The following FSTL4 variants were observed in gnomAD, a reference collection of about 807,000 sequenced individuals.
FSTL4 encodes the protein follistatin like 4.
Under a neutral mutation model 78.2 loss-of-function variants are expected in FSTL4, and 28 were observed. The observed-to-expected ratio is 0.36, with a 90% CI of 0.27 to 0.49. FSTL4 has a LOEUF of 0.49. FSTL4 is among the 20% of genes least tolerant of loss of function. The pLI is 0.98. For synonymous variants in FSTL4, 422 were observed against 440.5 expected, an observed-to-expected ratio of 0.96 and a Z score of 0.53; for missense variants, 922 against 1,084.9, an observed-to-expected ratio of 0.85 and a Z score of 2.11.
chr5:133,831,333 C>T, the FSTL4 span, among the ~76,000 whole-genome samples: 17 of 152,144 alleles, frequency 1.1e-4, no homozygotes, highest in African/African-American at 3.4e-4. Flanking sequence ...AGGACAAGGG[C>T]CCTACATCTT....
At chr5:133,625,124 T>C in the FSTL4 span, among the ~76,000 whole-genome samples, 2 of 151,822 alleles carry the variant, frequency 1.3e-5, no homozygotes, top group African/African-American at 4.8e-5. Context: ...ATTAGGGTAA[T>C]ACTAGCTTCA....
intron 6 of FSTL4, among the ~76,000 whole-genome samples, chr5:133,261,900 G>C (rs1041172361): frequency 6.6e-6 from 1 of 152,024 alleles, no homozygotes; most frequent in African/African-American, 2.4e-5. Flanking sequence ...GCTGAGGTGG[G>C]AGAATTGCTT....
chr5:133,214,844 C>T (rs926536868), intron 13 of FSTL4, among the ~76,000 whole-genome samples: 6 of 152,188 alleles, frequency 3.9e-5, no homozygotes, highest in Non-Finnish European at 7.4e-5. Flanking sequence ...TAGTTATTCT[C>T]AGTAGCATAT....
chr5:133,524,650 T>C (rs1042052806), intron 3 of FSTL4, among the ~76,000 whole-genome samples: 9 of 152,236 alleles, frequency 5.9e-5, no homozygotes, highest in Admixed American at 1.3e-4. Context: ...AACAGGTGCA[T>C]AGAGGGCCCT....
intron 6 of FSTL4, among the ~76,000 whole-genome samples, chr5:133,295,987 C>T (rs1392887261): frequency 2.0e-5 from 3 of 152,200 alleles, no homozygotes; most frequent in Admixed American, 6.5e-5. Context: ...TCAGCCTAGC[C>T]CTCTCCTCGT....
At position 133,612,085 on chromosome 5, in the gene FSTL4, C is replaced by G. The variant is rs1447919657; in HGVS notation, c.-11+240G>C. 1.3e-5 allele frequency among the ~76,000 whole-genome samples: 2 copies of G among 152,056 alleles called. No individual in the cohort carries two copies. The highest frequency in any genetic ancestry group is 1.3e-4 in the Admixed American group (2 of 15,284). ...GAGCCTCGGCGTCCCAGCCTCTCCT[C>G]GAGTCCTGGCCTTGGCCGGGGTAGC... is the stretch of plus-strand genomic sequence containing the variant. On this transcript the variant is annotated intron_variant, in intron 1 of 15. Transcript: ENST00000265342. This position sits in a 1 kb window ranked among gnomAD's most constrained non-coding sequence, Gnocchi z 6.2.
At chr5:133,332,294 C>T (rs1053637074) in intron 4 of FSTL4, among the ~76,000 whole-genome samples, 2 of 152,204 alleles carry the variant, frequency 1.3e-5, no homozygotes, top group African/African-American at 4.8e-5. Flanking sequence ...TCACACACTG[C>T]GCAATGACTC....
At position 133,239,307 on chromosome 5, in the gene FSTL4, G is replaced by A. The variant is rs531767229; in HGVS notation, c.895-5770C>T. Reference sequence around the variant, plus strand: ...AGAGCACTGCTCCCTGCTCCAGGGCGCCCAGTCCCATCAACCACCCAAGGG... The same window carrying A: ...AGAGCACTGCTCCCTGCTCCAGGGCACCCAGTCCCATCAACCACCCAAGGG... On this transcript the variant is annotated intron_variant, in intron 7 of 15. Coordinates refer to ENST00000265342, the MANE Select transcript of FSTL4 (RefSeq NM_015082.2). Among the ~76,000 whole-genome samples the A allele has an allele frequency of 6.0e-5, 9 of 150,994 alleles. No homozygotes were observed. In the South Asian group the frequency reaches 1.0e-3, roughly 18 times the overall value.
the FSTL4 span, among the ~76,000 whole-genome samples, chr5:133,700,714 C>G: frequency 1.3e-5 from 2 of 152,270 alleles, no homozygotes; most frequent in Non-Finnish European, 2.9e-5. Flanking sequence ...CCATCCCAAC[C>G]ACCATGTGAC....
At chr5:133,601,099 G>A (rs576197187) in intron 2 of FSTL4, among the ~76,000 whole-genome samples, 2 of 152,204 alleles carry the variant, frequency 1.3e-5, no homozygotes, top group African/African-American at 4.8e-5. Context: ...GCTGCTCACA[G>A]ATTTGCTGGG....
intron 4 of FSTL4, among the ~76,000 whole-genome samples, chr5:133,395,366 G>A (rs1755996762): frequency 6.6e-6 from 1 of 152,174 alleles, no homozygotes; most frequent in African/African-American, 2.4e-5. Context: ...TCACCGCGAA[G>A]GTCCGCAGCT....
At chr5:133,827,851 T>G in the FSTL4 span, among the ~76,000 whole-genome samples, 1 of 152,052 alleles carries the variant, frequency 6.6e-6, no homozygotes, top group South Asian at 2.1e-4. Context: ...CTGGGGGTCT[T>G]GCAGGCTATA....
the FSTL4 span, among the ~76,000 whole-genome samples, chr5:133,752,624 A>AAAATTAAATT: frequency 6.8e-6 from 1 of 147,724 alleles, no homozygotes; most frequent in African/African-American, 2.5e-5. Flanking sequence ...AAAATAAAAT[A>AAAATTAAATT]AAATTAAATT....
At chr5:133,290,855 C>T (rs1301900628) in intron 6 of FSTL4, among the ~76,000 whole-genome samples, 1 of 152,264 alleles carries the variant, frequency 6.6e-6, no homozygotes, top group Non-Finnish European at 1.5e-5. Flanking sequence ...TTCTTTTCAA[C>T]ATGACCCCCT....
chr5:133,806,716 G>T, the FSTL4 span, among the ~76,000 whole-genome samples: 1 of 152,220 alleles, frequency 6.6e-6, no homozygotes, highest in East Asian at 1.9e-4. Context: ...CCTGAGAACT[G>T]CCTGAGTGCT....
intron 4 of FSTL4, among the ~76,000 whole-genome samples, chr5:133,352,345 CATATATAT>C (rs564263500): frequency 5.6e-5 from 8 of 143,024 alleles, no homozygotes; most frequent in Non-Finnish European, 9.2e-5. Flanking sequence ...TATATATACA[CATATATAT>C]ACACACACAT....
At chr5:133,618,666 G>A in the FSTL4 span, among the ~76,000 whole-genome samples, 2 of 152,188 alleles carry the variant, frequency 1.3e-5, no homozygotes, top group Non-Finnish European at 2.9e-5. Flanking sequence ...AACTCTGTAA[G>A]ATCCTTATTG....
At chr5:133,748,143 G>A in the FSTL4 span, among the ~76,000 whole-genome samples, 3 of 151,764 alleles carry the variant, frequency 2.0e-5, no homozygotes, top group South Asian at 2.1e-4. Context: ...GCAGTGAGCC[G>A]AGATCATGCC....
the FSTL4 span, among the ~76,000 whole-genome samples, chr5:133,830,004 G>T: frequency 6.6e-6 from 1 of 152,190 alleles, no homozygotes; most frequent in African/African-American, 2.4e-5. Flanking sequence ...GACAGCCAAG[G>T]TTGGCCTGGA....
Sources: allele counts gnomAD v4.1 joint callset (sites outside exome capture counted in the v4.1 genomes callset), GRCh38; gene constraint gnomAD v4.1.1; non-coding constraint Gnocchi (gnomAD v3.1); transcripts MANE v1.5; gene names NCBI Gene and HGNC (gene_info 2026-07-23, HGNC 2026-07-21).